Variants in SPIRE1 observed in about 807,000 individuals in gnomAD.
SPIRE1 encodes the protein protein spire homolog 1.
SPIRE1 carries 40 observed loss-of-function variants against 94.1 expected under a neutral mutation model. That is an observed-to-expected ratio of 0.43 (90% confidence interval 0.33 to 0.55). SPIRE1 has a LOEUF of 0.55. Among genes scored for constraint, SPIRE1 ranks in the 20% least tolerant of loss-of-function variants. SPIRE1 has a pLI of 0.06. For synonymous variants in SPIRE1, 376 were observed against 371.7 expected (o/e 1.01, Z -0.13); for missense variants, 838 against 975.2 (o/e 0.86, Z 1.87).
chr18:12,449,996 A>G (rs1781826220), intron 16 of SPIRE1, 100 bp from the exon 17 acceptor site: 9 of 1,215,308 alleles, frequency 7.4e-6, no homozygotes, highest in African/African-American at 1.5e-5. Flanking sequence ...TTGTCAAAAC[A>G]TCATGGAATG....
chr18:12,620,728 T>C (rs2037442234), intron 2 of SPIRE1, among the ~76,000 whole-genome samples: 1 of 152,166 alleles, frequency 6.6e-6, no homozygotes, highest in Admixed American at 6.5e-5. Context: ...TAAATCTTCA[T>C]GATCTTGGAT....
intron 4 of SPIRE1, among the ~76,000 whole-genome samples, chr18:12,526,688 A>G (rs2034532136): frequency 6.6e-6 from 1 of 151,348 alleles, no homozygotes; most frequent in African/African-American, 2.4e-5. Flanking sequence ...CACCCATTAT[A>G]TGGAAGACAT....
chr18:12,501,445 C>T (rs535077024), intron 6 of SPIRE1, among the ~76,000 whole-genome samples: 5 of 152,188 alleles, frequency 3.3e-5, no homozygotes, highest in African/African-American at 7.2e-5. Flanking sequence ...GTACCAGTGG[C>T]GCGATCTCAG....
intron 4 of SPIRE1, among the ~76,000 whole-genome samples, chr18:12,531,250 A>G (rs1206055332): frequency 6.6e-6 from 1 of 151,914 alleles, no homozygotes; most frequent in African/African-American, 2.4e-5. Context: ...CATCCCATTT[A>G]TGTGCATATG....
At chr18:12,479,649 C>A in intron 10 of SPIRE1, 50 bp downstream of exon 10, 1 of 1,524,032 alleles carries the variant, frequency 6.6e-7, no homozygotes. Flanking sequence ...CATCAGACAG[C>A]ATTAAGCACC....
intron 10 of SPIRE1, among the ~76,000 whole-genome samples, chr18:12,479,160 TTTTTTTTTTCTTTTTC>T (rs2032744365): frequency 1.5e-5 from 1 of 64,648 alleles, no homozygotes; most frequent in East Asian, 3.1e-4. Context: ...CATATATGTA[TTTTTTTTTTCTTTTTC>T]TTTTTTTTTT....
intron 2 of SPIRE1, among the ~76,000 whole-genome samples, chr18:12,617,693 A>G (rs1490962847): frequency 6.6e-6 from 1 of 152,128 alleles, no homozygotes; most frequent in African/African-American, 2.4e-5. Context: ...TACAGGCGTG[A>G]GCCACCATAC....
intron 6 of SPIRE1, among the ~76,000 whole-genome samples, chr18:12,498,369 G>T (rs1205805301): frequency 2.6e-5 from 4 of 152,034 alleles, no homozygotes; most frequent in Non-Finnish European, 4.4e-5. Flanking sequence ...ATAGAAATTT[G>T]GTATTATTTT....
At position 12,471,029 on chromosome 18, in the gene SPIRE1, C is replaced by T. The variant is rs146595573; in HGVS notation, c.1405-6071G>A. Among the ~76,000 whole-genome samples, 894 of 150,002 alleles carry T rather than the reference C, an allele frequency of 6.0e-3. 5 individuals carry two copies. The highest frequency in any genetic ancestry group is 0.021 in the African/African-American group (851 of 40,642). ...CTCCTGAAAAGAGGATCAAGCAGGG[C>T]TCAGACACAGCTCCTTTGCTTAGCT... On this transcript the variant is annotated intron_variant, in intron 10 of 16. Transcript: ENST00000409402.
intron 2 of SPIRE1, among the ~76,000 whole-genome samples, chr18:12,548,578 C>T (rs2035239608): frequency 1.3e-5 from 2 of 151,372 alleles, no homozygotes; most frequent in African/African-American, 2.4e-5. Context: ...ACAGTCTGAC[C>T]TGGCACTGTA....
chr18:12,457,945 C>T (rs1424699749), intron 12 of SPIRE1, among the ~76,000 whole-genome samples: 2 of 151,088 alleles, frequency 1.3e-5, no homozygotes, highest in Non-Finnish European at 2.9e-5. Flanking sequence ...CCAGGGTTCA[C>T]GCCATTCTCC....
intron 4 of SPIRE1, among the ~76,000 whole-genome samples, chr18:12,521,435 G>C (rs1340556039): frequency 5.9e-5 from 9 of 151,896 alleles, no homozygotes; most frequent in Admixed American, 5.9e-4. Flanking sequence ...CCAGGTTCAA[G>C]GGATCCTCGT....
intron 1 of SPIRE1, among the ~76,000 whole-genome samples, chr18:12,635,726 AACAATT>A (rs1475995109): frequency 6.6e-6 from 1 of 152,188 alleles, no homozygotes; most frequent in Non-Finnish European, 1.5e-5. Context: ...AAAGAACATG[AACAATT>A]AATACATTTC....
At chr18:12,598,990 T>C (rs2036757508) in intron 2 of SPIRE1, among the ~76,000 whole-genome samples, 1 of 152,228 alleles carries the variant, frequency 6.6e-6, no homozygotes, top group Non-Finnish European at 1.5e-5. Context: ...ACCAGATTTA[T>C]CAATACCAAT....
chr18:12,658,945 G>A (rs1324696572), upstream of SPIRE1: 2 of 221,646 alleles, frequency 9.0e-6, no homozygotes, highest in Non-Finnish European at 1.9e-5. Context: ...AATGTCTCAA[G>A]TACCACACTC....
intron 2 of SPIRE1, among the ~76,000 whole-genome samples, chr18:12,631,330 T>G (rs781411879): frequency 1.6e-4 from 24 of 151,540 alleles, no homozygotes; most frequent in Non-Finnish European, 2.9e-4. Context: ...TTAATAACAT[T>G]TTATGGAGGA....
intron 10 of SPIRE1, 51 bp downstream of exon 10, chr18:12,479,648 G>C: frequency 6.6e-7 from 1 of 1,518,320 alleles, no homozygotes; most frequent in African/African-American, 1.4e-5. Flanking sequence ...GCATCAGACA[G>C]CATTAAGCAC....
chr18:12,457,241 C>T (rs1301819852), intron 12 of SPIRE1, among the ~76,000 whole-genome samples: 1 of 152,124 alleles, frequency 6.6e-6, no homozygotes, highest in Non-Finnish European at 1.5e-5. Context: ...CAGTCAAATG[C>T]TAATGTTTTA....
chr18:12,627,427 T>C (rs1302444715), intron 2 of SPIRE1, among the ~76,000 whole-genome samples: 3 of 152,188 alleles, frequency 2.0e-5, no homozygotes, highest in Admixed American at 6.5e-5. Context: ...TTCCATGGTG[T>C]GTATGTGCCA....
Sources: gnomAD v4.1 joint callset for allele counts (sites outside exome capture counted in the v4.1 genomes callset) on GRCh38, gnomAD v4.1.1 for gene constraint, MANE v1.5 for transcripts, NCBI Gene and HGNC (gene_info 2026-07-23, HGNC 2026-07-21) for gene names.